The following DCAF13 variants were observed in gnomAD, a reference collection of about 807,000 sequenced individuals.
DCAF13 encodes DDB1 and CUL4 associated factor 13.
Under a neutral mutation model 59.0 loss-of-function variants are expected in DCAF13, and 38 were observed. The ratio of observed to expected loss-of-function variants is 0.64; its 90% CI spans 0.50 to 0.84. The LOEUF is 0.84. Ranked by LOEUF, DCAF13 falls within the 40% of genes least tolerant of loss-of-function variation. The pLI, the probability that DCAF13 is intolerant of heterozygous loss-of-function variation, is 0.00. For synonymous variants in DCAF13, 173 were observed against 175.0 expected (o/e 0.99, Z 0.09); for missense variants, 469 against 558.4 (o/e 0.84, Z 1.61).
intron 3 of DCAF13, among the ~76,000 whole-genome samples, chr8:103,424,682 G>T (rs1333672449): frequency 6.6e-6 from 1 of 152,208 alleles, no homozygotes; most frequent in African/African-American, 2.4e-5. Context: ...TGAGCTTGCA[G>T]ACACTATCAG....
chr8:103,420,506 T>C (rs374554896), intron 2 of DCAF13, 43 bp downstream of exon 2: 37 of 1,566,928 alleles, frequency 2.4e-5, no homozygotes, highest in African/African-American at 6.8e-5. Context: ...AAAGTAGTTA[T>C]ATTACAAATG....
chr8:103,427,667 G>A (rs1292431068), intron 5 of DCAF13: 1 of 176,846 alleles, frequency 5.7e-6, no homozygotes, highest in Admixed American at 6.1e-5. Context: ...TTTGTAATTG[G>A]TAAGGTACCA....
chr8:103,441,739 G>C, intron 10 of DCAF13, 121 bp downstream of exon 10: 1 of 961,264 alleles, frequency 1.0e-6, no homozygotes, highest in Admixed American at 2.7e-5. Context: ...TAGTATGTTA[G>C]TGATGTGTTT....
intron 4 of DCAF13, among the ~76,000 whole-genome samples, chr8:103,426,585 A>G (rs1210943573): frequency 6.6e-6 from 1 of 152,174 alleles, no homozygotes; most frequent in Non-Finnish European, 1.5e-5. Context: ...TAATGTTTCT[A>G]CCAAATTATT....
intron 7 of DCAF13, among the ~76,000 whole-genome samples, chr8:103,434,317 C>T (rs1350467826): frequency 1.2e-4 from 18 of 151,984 alleles, no homozygotes; most frequent in Admixed American, 1.2e-3. Context: ...CTAATGAATC[C>T]TATAATGTGG....
intron 6 of DCAF13, among the ~76,000 whole-genome samples, 155 bp downstream of exon 6, chr8:103,430,844 T>G (rs540403941): frequency 4.6e-5 from 7 of 152,342 alleles, no homozygotes; most frequent in African/African-American, 1.4e-4. Flanking sequence ...AGTCATGTTC[T>G]TTCAGCTCCC....
intron 1 of DCAF13, among the ~76,000 whole-genome samples, chr8:103,417,631 G>C: frequency 7.7e-6 from 1 of 129,190 alleles, no homozygotes; most frequent in East Asian, 2.3e-4. Flanking sequence ...GACAGAGGGA[G>C]ACTCCGTCTC....
At chr8:103,426,532 A>G (rs1213891896) in intron 4 of DCAF13, among the ~76,000 whole-genome samples, 1 of 152,154 alleles carries the variant, frequency 6.6e-6, no homozygotes, top group Non-Finnish European at 1.5e-5. Context: ...CCTTTAAGAA[A>G]TGAAGAAATT....
intron 1 of DCAF13, among the ~76,000 whole-genome samples, chr8:103,419,637 C>T (rs972485866): frequency 1.3e-5 from 2 of 152,112 alleles, no homozygotes; most frequent in African/African-American, 4.8e-5. Context: ...CTGTGCTAGG[C>T]ATAAGGAAGT....
At position 103,435,506 on chromosome 8, in the gene DCAF13, A is replaced by G. The variant is rs1816920749; in HGVS notation, c.786-120A>G. On this transcript the variant is annotated intron_variant, in intron 7 of 10. Transcript: ENST00000612750. ...CCTCACCTGCTTGTGTACAGCATTG[A>G]GCTTTTTGTTTAGATGTGCATTGTT... 4 of 773,110 alleles carry G rather than the reference A, an allele frequency of 5.2e-6. No homozygotes were observed. In the Admixed American group the frequency reaches 1.3e-4, roughly 26 times the overall value. 47.9% of individuals were successfully genotyped at this position (773,110 alleles called of 1,614,324 possible).
At position 103,415,396 on chromosome 8, in the gene DCAF13, G is replaced by C; in HGVS notation, c.-51G>C. On this transcript the variant is annotated 5_prime_UTR_variant, in exon 1 of 11. Coordinates refer to ENST00000612750, the MANE Select transcript of DCAF13 (RefSeq NM_015420.7). ...CGCCTGTGGGAGGAGGTGGCGGTGG[G>C]CGGAACTCCTAGCGGACACCTCGTG... 6.2e-7 allele frequency: 1 copy of C among 1,614,142 alleles called. No individual in the cohort carries two copies. The highest frequency in any genetic ancestry group is 1.1e-5 in the South Asian group (1 of 91,086).
intron 1 of DCAF13, among the ~76,000 whole-genome samples, chr8:103,416,617 C>G (rs1043602385): frequency 1.3e-5 from 2 of 152,228 alleles, no homozygotes; most frequent in African/African-American, 2.4e-5. Flanking sequence ...AGCCCCGCCC[C>G]CTTCAGCACC....
intron 4 of DCAF13, 95 bp downstream of exon 4, chr8:103,426,240 C>T: frequency 1.4e-6 from 1 of 727,526 alleles, no homozygotes; most frequent in Non-Finnish European, 2.2e-6. Flanking sequence ...GAAGAAGATG[C>T]AGATAAGAAA....
chr8:103,432,599 A>C, intron 6 of DCAF13, 60 bp from the exon 7 acceptor site: 1 of 1,084,466 alleles, frequency 9.2e-7, no homozygotes, highest in Non-Finnish European at 1.4e-6. Flanking sequence ...TATTTGCTTA[A>C]ATCAGTGGGG....
At chr8:103,435,884 T>C (rs531440991) in intron 8 of DCAF13, 94 bp downstream of exon 8, 2 of 1,303,690 alleles carry the variant, frequency 1.5e-6, no homozygotes, top group African/African-American at 1.4e-5. Context: ...TTCATCATTG[T>C]GTGAACATCA....
At chr8:103,437,718 G>C (rs1364758016) in intron 8 of DCAF13, among the ~76,000 whole-genome samples, 2 of 151,674 alleles carry the variant, frequency 1.3e-5, no homozygotes, top group Non-Finnish European at 2.9e-5. Flanking sequence ...CTCATGCTTG[G>C]GTGAATAATC....
At chr8:103,426,593 A>G (rs549009416) in intron 4 of DCAF13, among the ~76,000 whole-genome samples, 12 of 152,182 alleles carry the variant, frequency 7.9e-5, no homozygotes, top group Non-Finnish European at 1.5e-4. Context: ...CTACCAAATT[A>G]TTCTGCAAAT....
At chr8:103,435,896 CAG>C (rs2130493791) in intron 8 of DCAF13, 106 bp downstream of exon 8, 1 of 1,192,636 alleles carries the variant, frequency 8.4e-7, no homozygotes, top group African/African-American at 1.5e-5. Context: ...TGAACATCAT[CAG>C]AGTGCACTTA....
Position 103,421,021 on chromosome 8 carries a change from A to T in DCAF13, c.317A>T (p.Gln106Leu), listed in dbSNP as rs373378051. 1 of 1,613,814 alleles carries T rather than the reference A, an allele frequency of 6.2e-7. No individual in the cohort carries two copies. Among genetic ancestry groups the T allele is most frequent in the Non-Finnish European group, 8.5e-7 (1 of 1,179,900 alleles). ...LTQRNCIRTI[Q>L]AHEGFVRGIC... The stretch of plus-strand genomic sequence containing the variant: ...CAGCGGAATTGTATCCGTACAATAC[A>T]AGCACATGAAGGCTTTGTACGAGGA... Residue 106 changes from glutamine (Q) to leucine (L), a missense_variant, in exon 3 of 11, where the codon CAA becomes CTA. By Grantham distance (113) the Gln-to-Leu change is moderately radical. Coordinates refer to ENST00000612750, the MANE Select transcript of DCAF13 (RefSeq NM_015420.7).
Sources: allele counts gnomAD v4.1 joint callset (sites outside exome capture counted in the v4.1 genomes callset), GRCh38; gene constraint gnomAD v4.1.1; transcripts MANE v1.5; gene names NCBI Gene and HGNC (gene_info 2026-07-23, HGNC 2026-07-21).